Variants in AKAIN1 observed in about 807,000 individuals in gnomAD.
The protein encoded by AKAIN1 is A-kinase anchor protein inhibitor 1.
In AKAIN1, 3 loss-of-function variants were observed where a neutral mutation model predicts 3.7. The observed-to-expected ratio is 0.82, with a 90% CI of 0.37 to 2.12. AKAIN1 has a LOEUF of 2.12. AKAIN1 is among the 30% of genes most tolerant of loss of function. The pLI is 0.06. For missense variants in AKAIN1, 82 were observed against 82.7 expected (o/e 0.99, Z 0.03); for synonymous variants, 31 against 30.8 (o/e 1.01, Z -0.02).
chr18:5,178,224 T>C (rs1381592632), intron 1 of AKAIN1, among the ~76,000 whole-genome samples: 1 of 152,126 alleles, frequency 6.6e-6, no homozygotes, highest in Non-Finnish European at 1.5e-5. Flanking sequence ...TTGTGCATGC[T>C]ATGGTAATTG....
chr18:5,159,048 T>C lies in AKAIN1; in HGVS notation c.17-13293A>G, dbSNP rs551967828. On this transcript the variant is annotated intron_variant, in intron 1 of 1. Transcript: ENST00000434239. ...TATGTGGCTTTTCTTTTATTATATC[T>C]TTTTTTTTTATAACCATGAGAATGA... is the stretch of plus-strand genomic sequence containing the variant. 3.6e-5 allele frequency among the ~76,000 whole-genome samples: 5 copies of C among 137,296 alleles called. No homozygotes were observed. The South Asian group carries it at 1.1e-3, about 31-fold the overall frequency. The allele number at this position is 137,296 out of a possible 152,430, so 90.1% of individuals were successfully genotyped here. A position where few individuals can be genotyped will look rare whatever the true frequency, so the allele number is the denominator to read the frequency against.
chr18:5,172,706 T>G (rs931695340), intron 1 of AKAIN1, among the ~76,000 whole-genome samples: 8 of 151,894 alleles, frequency 5.3e-5, no homozygotes, highest in Admixed American at 4.6e-4. Flanking sequence ...TTTATTTATA[T>G]TTATTAAAAA....
At chr18:5,182,694 T>C (rs987205269) in intron 1 of AKAIN1, among the ~76,000 whole-genome samples, 8 of 152,132 alleles carry the variant, frequency 5.3e-5, no homozygotes, top group African/African-American at 1.9e-4. Flanking sequence ...AGCTCATGCA[T>C]GTGGCACTTA....
upstream of AKAIN1, chr18:5,197,575 C>A (rs1160002570): frequency 1.1e-6 from 1 of 913,070 alleles, no homozygotes; most frequent in Non-Finnish European, 1.4e-6. This position sits in a 1 kb window ranked among gnomAD's most constrained non-coding sequence, Gnocchi z 6.9. Flanking sequence ...TGGGCTGGCT[C>A]GAATAGAGGG....
intron 1 of AKAIN1, among the ~76,000 whole-genome samples, chr18:5,188,790 T>C (rs2071302110): frequency 6.6e-6 from 1 of 152,024 alleles, no homozygotes; most frequent in South Asian, 2.1e-4. Context: ...CAAACTCCCC[T>C]ACCCAATATA....
chr18:5,185,813 C>T (rs1234548921), intron 1 of AKAIN1, among the ~76,000 whole-genome samples: 2 of 152,026 alleles, frequency 1.3e-5, no homozygotes, highest in African/African-American at 4.8e-5. Context: ...TTTGTCCCAG[C>T]AATCGTATTA....
At chr18:5,186,180 A>G (rs2071286236) in intron 1 of AKAIN1, among the ~76,000 whole-genome samples, 1 of 152,136 alleles carries the variant, frequency 6.6e-6, no homozygotes. Flanking sequence ...TTGAGTACAC[A>G]TGGACACAAA....
intron 1 of AKAIN1, among the ~76,000 whole-genome samples, chr18:5,176,134 TGA>T (rs1488700946): frequency 6.6e-6 from 1 of 151,998 alleles, no homozygotes; most frequent in African/African-American, 2.4e-5. Context: ...TTTACCAAAC[TGA>T]CAAATAAAGA....
In AKAIN1 at chr18:5,145,387, C is replaced by G; in HGVS notation, c.*175G>C. ...GGCACTGCATAAATATGAACAGAAT[C>G]GTCTAATGCACTTTTTCAAAACAGT... On this transcript the variant is annotated 3_prime_UTR_variant, in exon 2 of 2. Transcript: ENST00000434239. The G allele has an allele frequency of 3.7e-6, 2 of 547,316 alleles. No individual in the cohort carries two copies. The highest frequency in any genetic ancestry group is 6.5e-6 in the Non-Finnish European group (2 of 305,478). 33.9% of individuals were successfully genotyped at this position (547,316 alleles called of 1,614,324 possible).
At chr18:5,197,577 A>C, upstream of AKAIN1, 1 of 897,592 alleles carries the variant, frequency 1.1e-6, no homozygotes, top group South Asian at 5.8e-5. The surrounding 1 kb of genome is among the most constrained non-coding windows in gnomAD (Gnocchi z 6.9). Flanking sequence ...GGCTGGCTCG[A>C]ATAGAGGGGC....
rs78643493 is a variant in AKAIN1, at chr18:5,196,073, T to C, written c.16+965A>G. ...TTTCTCCCCAGCCATCTGAAGCCCATGACCACAGCAAATACATGCCAATCT... is the reference window on the plus strand; with the variant it reads ...TTTCTCCCCAGCCATCTGAAGCCCACGACCACAGCAAATACATGCCAATCT... On this transcript the variant is annotated intron_variant, in intron 1 of 1. Transcript: ENST00000434239. 5.3e-5 allele frequency among the ~76,000 whole-genome samples: 8 copies of C among 152,298 alleles called. No individual in the cohort carries two copies. In the South Asian group the frequency reaches 1.7e-3, roughly 32 times the overall value.
At chr18:5,179,030 A>G (rs2071242217) in intron 1 of AKAIN1, among the ~76,000 whole-genome samples, 1 of 152,198 alleles carries the variant, frequency 6.6e-6, no homozygotes, top group Non-Finnish European at 1.5e-5. Flanking sequence ...AGGAGAAAAC[A>G]TGTCTAACCA....
At chr18:5,180,008 G>C (rs1209253364) in intron 1 of AKAIN1, among the ~76,000 whole-genome samples, 1 of 152,062 alleles carries the variant, frequency 6.6e-6, no homozygotes, top group Non-Finnish European at 1.5e-5. Flanking sequence ...CAGTTGAAAA[G>C]GGTTTCTTTA....
At chr18:5,179,597 T>C (rs767312745) in intron 1 of AKAIN1, among the ~76,000 whole-genome samples, 1 of 152,096 alleles carries the variant, frequency 6.6e-6, no homozygotes, top group Non-Finnish European at 1.5e-5. Flanking sequence ...AGATACCCAG[T>C]AGTGGGATTG....
At chr18:5,176,751 C>G (rs982862093) in intron 1 of AKAIN1, among the ~76,000 whole-genome samples, 1 of 152,078 alleles carries the variant, frequency 6.6e-6, no homozygotes, top group Admixed American at 6.6e-5. Flanking sequence ...TCTCAAGCAA[C>G]TTTAAGAAAA....
chr18:5,192,441 C>CTTTCTTTCTTTCTT (rs1567881057), intron 1 of AKAIN1, among the ~76,000 whole-genome samples: 1 of 101,508 alleles, frequency 9.9e-6, no homozygotes. Context: ...TTCTTTCTTT[C>CTTTCTTTCTTTCTT]TTTCTTTTTC....
At chr18:5,148,518 C>T (rs2071062051) in intron 1 of AKAIN1, among the ~76,000 whole-genome samples, 2 of 152,142 alleles carry the variant, frequency 1.3e-5, no homozygotes, top group Non-Finnish European at 2.9e-5. Flanking sequence ...ATGTGGGAGG[C>T]TATGAAATAC....
chr18:5,154,196 T>C (rs752046009), intron 1 of AKAIN1, among the ~76,000 whole-genome samples: 5 of 151,898 alleles, frequency 3.3e-5, no homozygotes, highest in Non-Finnish European at 7.4e-5. Context: ...GAAGAAAAAA[T>C]TGGACAAATT....
At chr18:5,149,764 G>A (rs2071069945) in intron 1 of AKAIN1, among the ~76,000 whole-genome samples, 1 of 152,174 alleles carries the variant, frequency 6.6e-6, no homozygotes, top group South Asian at 2.1e-4. Flanking sequence ...ATTCCTGAAA[G>A]AGAGAGCCTA....
Sources: allele counts gnomAD v4.1 joint callset (sites outside exome capture counted in the v4.1 genomes callset), GRCh38; gene constraint gnomAD v4.1.1; non-coding constraint Gnocchi (gnomAD v3.1); transcripts MANE v1.5; gene names NCBI Gene and HGNC (gene_info 2026-07-23, HGNC 2026-07-21).